The following TMX3 variants were observed in gnomAD, a reference collection of about 807,000 sequenced individuals.
TMX3 encodes the protein protein disulfide-isomerase TMX3.
TMX3 carries 40 observed loss-of-function variants against 64.4 expected under a neutral mutation model. The ratio of observed to expected loss-of-function variants is 0.62; its 90% CI spans 0.48 to 0.81. The LOEUF (loss-of-function observed/expected upper bound fraction) is 0.81, where lower values mean the gene tolerates loss of function less well. Among genes scored for constraint, TMX3 ranks in the 30% least tolerant of loss-of-function variants. TMX3 has a pLI of 0.00. For synonymous variants in TMX3, 189 were observed against 175.7 expected (o/e 1.08, Z -0.60); for missense variants, 497 against 534.5 (o/e 0.93, Z 0.69).
intron 9 of TMX3, among the ~76,000 whole-genome samples, chr18:68,689,308 CAG>C (rs1321596164): frequency 6.6e-6 from 1 of 151,846 alleles, no homozygotes; most frequent in Non-Finnish European, 1.5e-5. Flanking sequence ...TGAGCTATAA[CAG>C]GGGGATGCTT....
intron 13 of TMX3, 139 bp from the exon 14 acceptor site, chr18:68,681,249 A>G: frequency 1.3e-6 from 1 of 769,094 alleles, no homozygotes; most frequent in Non-Finnish European, 1.8e-6. Flanking sequence ...AAAATGATCA[A>G]ATAGACCTAG....
At chr18:68,686,175 G>C (rs1020820203) in intron 10 of TMX3, among the ~76,000 whole-genome samples, 10 of 152,058 alleles carry the variant, frequency 6.6e-5, no homozygotes, top group Non-Finnish European at 4.4e-5. Context: ...GGGGACAGGT[G>C]GGGGTGAAGG....
chr18:68,691,468 AT>A, intron 8 of TMX3, 107 bp from the exon 9 acceptor site: 1 of 656,360 alleles, frequency 1.5e-6, no homozygotes, highest in Non-Finnish European at 2.5e-6. Context: ...ACACATAAAA[AT>A]AACAAAAAAG....
At chr18:68,713,101 G>A (rs1375521737) in intron 2 of TMX3, among the ~76,000 whole-genome samples, 4 of 152,070 alleles carry the variant, frequency 2.6e-5, no homozygotes, top group Non-Finnish European at 4.4e-5. Context: ...ACACAGATGG[G>A]AGAATTCATC....
At chr18:68,713,927 A>C (rs2145158761) in intron 1 of TMX3, 27 bp from the exon 2 acceptor site, 1 of 1,503,808 alleles carries the variant, frequency 6.6e-7, no homozygotes, top group Non-Finnish European at 9.1e-7. Flanking sequence ...AAATGTACAC[A>C]ATAAATGCTG....
intron 4 of TMX3, among the ~76,000 whole-genome samples, chr18:68,705,970 A>T (rs965489923): frequency 3.9e-5 from 6 of 152,236 alleles, no homozygotes; most frequent in African/African-American, 1.4e-4. Context: ...TATAAACTTG[A>T]TCACTTTGAA....
intron 4 of TMX3, among the ~76,000 whole-genome samples, chr18:68,708,056 T>C (rs548783633): frequency 1.3e-5 from 2 of 151,050 alleles, no homozygotes; most frequent in South Asian, 4.1e-4. Flanking sequence ...TATATATATG[T>C]GTATATATAT....
intron 4 of TMX3, among the ~76,000 whole-genome samples, chr18:68,703,099 A>C (rs2030284007): frequency 1.3e-5 from 2 of 152,236 alleles, no homozygotes; most frequent in Non-Finnish European, 2.9e-5. Flanking sequence ...GTATGTTCTA[A>C]TTGGAGACTG....
rs1913773902 is a variant in TMX3 at position 68,684,704 on chromosome 18, C to T, written c.737-219G>A. Among the ~76,000 whole-genome samples the T allele has an allele frequency of 3.3e-5, 5 of 152,082 alleles. No homozygotes were observed. The South Asian group carries it at 1.0e-3, about 32-fold the overall frequency. On this transcript the variant is annotated intron_variant, in intron 10 of 15. Coordinates refer to ENST00000299608, the MANE Select transcript of TMX3 (RefSeq NM_019022.5). ...CAGTGACAAATTCCCTTCCACGTCC[C>T]ACCCCAAAATATAAATAAGAGTAAA...
At chr18:68,682,261 A>AT in intron 13 of TMX3, among the ~76,000 whole-genome samples, 1 of 152,218 alleles carries the variant, frequency 6.6e-6, no homozygotes, top group African/African-American at 2.4e-5. Flanking sequence ...TGTTCACTGA[A>AT]TAGAGTGGCT....
chr18:68,685,333 T>A (rs969328995), intron 10 of TMX3, among the ~76,000 whole-genome samples: 1 of 152,204 alleles, frequency 6.6e-6, no homozygotes, highest in African/African-American at 2.4e-5. Flanking sequence ...TCTTTCAGTA[T>A]TATCCCTGCA....
intron 8 of TMX3, among the ~76,000 whole-genome samples, chr18:68,693,353 G>A (rs999595670): frequency 6.6e-6 from 1 of 152,068 alleles, no homozygotes; most frequent in Non-Finnish European, 1.5e-5. Context: ...CCACGCTCCC[G>A]GGTATAGCTG....
chr18:68,682,559 T>C (rs531343831), intron 13 of TMX3, among the ~76,000 whole-genome samples: 2 of 152,262 alleles, frequency 1.3e-5, no homozygotes, highest in Admixed American at 6.5e-5. Flanking sequence ...GAACAATTAG[T>C]TTTTGAATGC....
chr18:68,711,700 ACC>A (rs2031294344), intron 2 of TMX3, among the ~76,000 whole-genome samples: 2 of 152,172 alleles, frequency 1.3e-5, no homozygotes, highest in Non-Finnish European at 2.9e-5. Context: ...AACATTTTAC[ACC>A]TGTTTAGAAA....
intron 4 of TMX3, chr18:68,706,316 C>T (rs935070627): frequency 6.6e-6 from 1 of 152,310 alleles, no homozygotes; most frequent in Non-Finnish European, 1.5e-5. Context: ...GAGGCTGAGG[C>T]AGGAGAATCA....
chr18:68,682,959 C>A lies in TMX3; in HGVS notation c.871G>T (p.Asp291Tyr), dbSNP rs1192677043. The A allele has an allele frequency of 1.9e-6, 3 of 1,610,170 alleles. No individual in the cohort carries two copies. Among genetic ancestry groups the A allele is most frequent in the South Asian group, 2.2e-5 (2 of 90,654 alleles). Residue 291 changes from aspartate to tyrosine, a missense_variant, in exon 13 of 16, where the codon GAT becomes TAT. Asp to Tyr is a radical substitution (Grantham distance 160). This residue lies in a region of TMX3 where 360 missense variants were observed against 383.5 expected (regional missense o/e 0.94). Coordinates refer to ENST00000299608, the MANE Select transcript of TMX3 (RefSeq NM_019022.5). ...FHRDFQFGHM[D>Y]GNDYINTLLM... ...AAGGTATTTATGTAGTCATTTCCAT[C>A]CATGTGGCCAAACTGAAAATCCCTA...
At chr18:68,678,545 G>C (rs192119938) in intron 15 of TMX3, among the ~76,000 whole-genome samples, 4 of 152,224 alleles carry the variant, frequency 2.6e-5, no homozygotes, top group African/African-American at 7.2e-5. Flanking sequence ...GCACGGAAAG[G>C]AGAATGTCAA....
intron 15 of TMX3, among the ~76,000 whole-genome samples, chr18:68,679,076 G>A (rs2145004778): frequency 6.6e-6 from 1 of 152,148 alleles, no homozygotes; most frequent in East Asian, 1.9e-4. Context: ...TGACTTCCCA[G>A]CACACATCAT....
chr18:68,700,428 A>C lies in TMX3; in HGVS notation c.369T>G (p.Ile123Met). ...ACCCAGATACTCTGTGAGCAAACTC[A>C]ATAATATCATCTTTTGTTCGTGGTC... ...YRGPRTKDDIIEFAHRVSGAL... is the reference protein window; with the variant it reads ...YRGPRTKDDIMEFAHRVSGAL... Residue 123 changes from isoleucine to methionine, a missense_variant, in exon 6 of 16, where the codon ATT becomes ATG. Ile to Met is a conservative substitution (Grantham distance 10). Transcript: ENST00000299608. 1 of 1,581,768 alleles carries C rather than the reference A, an allele frequency of 6.3e-7. No individual in the cohort carries two copies. Among genetic ancestry groups the C allele is most frequent in the Non-Finnish European group, 8.6e-7 (1 of 1,165,402 alleles).
Sources: gnomAD v4.1 joint callset for allele counts (sites outside exome capture counted in the v4.1 genomes callset) on GRCh38, gnomAD v4.1.1 for gene constraint, gnomAD v4.1.1 regional missense constraint, MANE v1.5 for transcripts, NCBI Gene and HGNC (gene_info 2026-07-23, HGNC 2026-07-21) for gene names.